NIN: variants seen among roughly 807,000 people sequenced by gnomAD.
NIN encodes the protein ninein, also known as glycogen synthase kinase 3 beta-interacting protein.
Under a neutral mutation model 257.6 loss-of-function variants are expected in NIN, and 137 were observed. The observed-to-expected ratio is 0.53, with a 90% confidence interval of 0.46 to 0.61. NIN has a LOEUF of 0.61. NIN is among the 20% of genes least tolerant of loss of function. NIN has a pLI of 0.00. For synonymous variants in NIN, 918 were observed against 919.8 expected (o/e 1.00, Z 0.04); for missense variants, 2,439 against 2,501.2 (o/e 0.98, Z 0.53).
chr14:50,797,497 A>T (rs1393948309), intron 4 of NIN, among the ~76,000 whole-genome samples: 1 of 152,160 alleles, frequency 6.6e-6, no homozygotes, highest in Non-Finnish European at 1.5e-5. Flanking sequence ...TGAAAAGGAA[A>T]GGTAAAAAAT....
At chr14:50,791,287 G>A (rs1228147533) in intron 5 of NIN, among the ~76,000 whole-genome samples, 1 of 152,108 alleles carries the variant, frequency 6.6e-6, no homozygotes, top group East Asian at 1.9e-4. Context: ...GTGCATATGA[G>A]TATATGTGTT....
intron 24 of NIN, 174 bp from the exon 25 acceptor site, chr14:50,741,902 G>A (rs1198029198): frequency 5.2e-6 from 3 of 573,596 alleles, no homozygotes; most frequent in Middle Eastern, 4.4e-4. Flanking sequence ...TATATTTACA[G>A]GATGTTAAAT....
At chr14:50,800,264 A>G (rs2044039031) in intron 4 of NIN, among the ~76,000 whole-genome samples, 1 of 152,174 alleles carries the variant, frequency 6.6e-6, no homozygotes, top group African/African-American at 2.4e-5. Flanking sequence ...TACACTGTCT[A>G]ATTTCTTCAC....
chr14:50,790,645 G>A (rs2043550891), intron 5 of NIN, among the ~76,000 whole-genome samples: 1 of 152,132 alleles, frequency 6.6e-6, no homozygotes, highest in African/African-American at 2.4e-5. Context: ...GCTGATGGAG[G>A]GTGGTGAATG....
At chr14:50,772,635 T>C (rs2042781398) in intron 8 of NIN, among the ~76,000 whole-genome samples, 167 bp from the exon 9 acceptor site, 1 of 152,190 alleles carries the variant, frequency 6.6e-6, no homozygotes, top group African/African-American at 2.4e-5. Context: ...GAGTCAAGCC[T>C]ACGGAGCTTA....
intron 26 of NIN, among the ~76,000 whole-genome samples, chr14:50,738,705 C>A (rs760370814): frequency 4.6e-5 from 7 of 152,144 alleles, no homozygotes; most frequent in Non-Finnish European, 5.9e-5. Context: ...AAGACATGAA[C>A]CATGTCTGTC....
At chr14:50,727,799 G>C in intron 29 of NIN, 3 of 1,401,784 alleles carry the variant, frequency 2.1e-6, no homozygotes, top group Non-Finnish European at 2.9e-6. Flanking sequence ...GTCAGGATGA[G>C]TTTTTAGGGG....
rs562017156 is a variant in NIN, at chr14:50,783,073, ATAGTT to A, written c.436-4274_436-4270del. Among the ~76,000 whole-genome samples, 33 of 152,280 alleles carry A rather than the reference ATAGTT, an allele frequency of 2.2e-4. No individual in the cohort carries two copies. The East Asian group carries it at 5.8e-3, about 27-fold the overall frequency. ...TGGGGGTGGGGGTTAGGGGAGAAGGATAGTTTAAACATGGTTTTTGTTTGTTTCTA... is the reference window on the plus strand; with the variant it reads ...TGGGGGTGGGGGTTAGGGGAGAAGGATAAACATGGTTTTTGTTTGTTTCTA... On this transcript the variant is annotated intron_variant, in intron 5 of 30. Coordinates refer to ENST00000530997, the MANE Select transcript of NIN (RefSeq NM_020921.4).
intron 28 of NIN, 90 bp from the exon 29 acceptor site, chr14:50,729,813 A>G: frequency 3.2e-6 from 3 of 935,304 alleles, no homozygotes; most frequent in Non-Finnish European, 3.1e-6. Flanking sequence ...AATGAAGACT[A>G]TTAATTCATT....
At chr14:50,790,889 A>G (rs1460811245) in intron 5 of NIN, among the ~76,000 whole-genome samples, 2 of 152,232 alleles carry the variant, frequency 1.3e-5, no homozygotes, top group African/African-American at 4.8e-5. Flanking sequence ...TAGATAACAT[A>G]TAACAAGGAT....
At chr14:50,793,245 G>C (rs1055789331) in intron 4 of NIN, among the ~76,000 whole-genome samples, 7 of 151,956 alleles carry the variant, frequency 4.6e-5, no homozygotes, top group African/African-American at 1.7e-4. Flanking sequence ...TTAACAAAGA[G>C]ACACCTTGGA....
intron 11 of NIN, 108 bp downstream of exon 11, chr14:50,770,744 G>C (rs1366270574): frequency 1.4e-6 from 2 of 1,412,156 alleles, no homozygotes; most frequent in African/African-American, 2.9e-5. Context: ...GTGGCCAACA[G>C]GCTGACCAGA....
chr14:50,796,095 T>A (rs184483869), intron 4 of NIN, among the ~76,000 whole-genome samples: 4 of 152,378 alleles, frequency 2.6e-5, no homozygotes, highest in Admixed American at 6.5e-5. Context: ...TGATTCTCCC[T>A]GGATTGTTAA....
At chr14:50,805,200 C>A (rs114179505) in intron 4 of NIN, among the ~76,000 whole-genome samples, 1 of 151,996 alleles carries the variant, frequency 6.6e-6, no homozygotes, top group Admixed American at 6.6e-5. Flanking sequence ...TCTACCCTGG[C>A]GGTGATGTCA....
intron 3 of NIN, among the ~76,000 whole-genome samples, chr14:50,807,699 T>C (rs761366094): frequency 6.6e-6 from 1 of 151,990 alleles, no homozygotes; most frequent in Non-Finnish European, 1.5e-5. Context: ...TGCCTAGAGG[T>C]TTAATATAGG....
chr14:50,758,473 C>T lies in NIN; in HGVS notation c.2557G>A (p.Glu853Lys), dbSNP rs769729023. 3 of 1,614,254 alleles carry T rather than the reference C, an allele frequency of 1.9e-6. No individual in the cohort carries two copies. Among genetic ancestry groups the T allele is most frequent in the South Asian group, 1.1e-5 (1 of 91,084 alleles). The change falls in exon 18 of 31, where the codon GAG becomes AAG. Residue 853 changes from glutamate (E) to lysine (K), a missense_variant. Around this residue, in one of 3 missense-constraint regions of NIN, gnomAD observed 2,043 missense variants for 2,050.2 expected, o/e 1.00. Coordinates refer to ENST00000530997, the MANE Select transcript of NIN (RefSeq NM_020921.4). ...ELKDLQEQQREEKSQWEFEKD... is the reference protein window; with the variant it reads ...ELKDLQEQQRKEKSQWEFEKD... Reference sequence around the variant, plus strand: ...TCAAATTCCCACTGGGATTTCTCCTCACGCTGCTGTTCCTGGAGGTCCTTC... The same window carrying T: ...TCAAATTCCCACTGGGATTTCTCCTTACGCTGCTGTTCCTGGAGGTCCTTC...
chr14:50,746,273 C>T (rs2041533972), intron 22 of NIN, among the ~76,000 whole-genome samples: 1 of 152,158 alleles, frequency 6.6e-6, no homozygotes, highest in South Asian at 2.1e-4. Flanking sequence ...TTGGTAATAA[C>T]AGCCTTGGAA....
rs1595770645 is a variant in NIN, at chr14:50,752,658, G to C, written c.4810C>G (p.Gln1604Glu). The C allele has an allele frequency of 6.2e-7, 1 of 1,613,252 alleles. No individual in the cohort carries two copies. The highest frequency in any genetic ancestry group is 1.3e-5 in the African/African-American group (1 of 74,886). ...TGATTAAGTTCTTGCAGTTTTTCCT[G>C]GTTTTGAGAGTTCTTTTGGCTAAGT... ...TELSQKNSQN[Q>E]EKLQELNQRL... The change falls in exon 21 of 31, where the codon CAG becomes GAG. Residue 1604 changes from glutamine (Q) to glutamate (E), a missense_variant. By Grantham distance (29) the Gln-to-Glu change is conservative. Coordinates refer to ENST00000530997, the MANE Select transcript of NIN (RefSeq NM_020921.4).
intron 4 of NIN, among the ~76,000 whole-genome samples, chr14:50,794,091 G>A (rs2043724962): frequency 1.3e-5 from 2 of 152,126 alleles, no homozygotes; most frequent in African/African-American, 2.4e-5. Context: ...AAGAACGACC[G>A]TTCCTTTATC....
Sources: allele counts gnomAD v4.1 joint callset (sites outside exome capture counted in the v4.1 genomes callset), GRCh38; gene constraint gnomAD v4.1.1; regional missense constraint gnomAD v4.1.1; transcripts MANE v1.5; gene names NCBI Gene and HGNC (gene_info 2026-07-23, HGNC 2026-07-21).